Variants in SERPINA11 observed in about 807,000 individuals in gnomAD.
The protein encoded by SERPINA11 is serpin family A member 11.
A neutral mutation model predicts 29.4 loss-of-function variants in SERPINA11; 28 were observed. The ratio of observed to expected loss-of-function variants is 0.95; its 90% CI spans 0.70 to 1.30. SERPINA11 has a LOEUF of 1.30. Ranked by LOEUF, SERPINA11 falls within the 50% of genes most tolerant of loss-of-function variation. SERPINA11 has a pLI of 0.00. For synonymous variants in SERPINA11, 253 were observed against 206.6 expected, an observed-to-expected ratio of 1.22 and a Z score of -1.92; for missense variants, 530 against 507.3, an observed-to-expected ratio of 1.04 and a Z score of -0.43.
At chr14:94,450,988 C>T (rs1898576214) in intron 1 of SERPINA11, among the ~76,000 whole-genome samples, 1 of 152,170 alleles carries the variant, frequency 6.6e-6, no homozygotes, top group South Asian at 2.1e-4. Context: ...GCCTTCTCTT[C>T]TCCCTTCAAA....
At chr14:94,448,913 T>A in intron 1 of SERPINA11, 136 bp from the exon 2 acceptor site, 1 of 726,026 alleles carries the variant, frequency 1.4e-6, no homozygotes, top group Non-Finnish European at 2.0e-6. Flanking sequence ...GACAAGGCTG[T>A]GGATGATTAG....
intron 2 of SERPINA11, among the ~76,000 whole-genome samples, chr14:94,447,083 C>A (rs769568416): frequency 2.5e-4 from 38 of 152,210 alleles, no homozygotes; most frequent in Non-Finnish European, 4.6e-4. Context: ...TAGACAACAA[C>A]CTTCTACAGA....
At chr14:94,452,557 T>G (rs565149574) in intron 1 of SERPINA11, among the ~76,000 whole-genome samples, 172 bp downstream of exon 1, 8 of 149,334 alleles carry the variant, frequency 5.4e-5, no homozygotes, top group Non-Finnish European at 1.2e-4. Flanking sequence ...GCATTTCTTC[T>G]TCAGGGACTT....
intron 1 of SERPINA11, among the ~76,000 whole-genome samples, chr14:94,449,421 C>CTTTCTTTCTTTCTTTCTT (rs1898526467): frequency 1.2e-5 from 1 of 81,064 alleles, no homozygotes; most frequent in Admixed American, 1.3e-4. Context: ...TTCTTTCTTT[C>CTTTCTTTCTTTCTTTCTT]TTTCTTTCTT....
At chr14:94,447,589 G>C (rs943635445) in intron 2 of SERPINA11, among the ~76,000 whole-genome samples, 1 of 152,128 alleles carries the variant, frequency 6.6e-6, no homozygotes, top group Non-Finnish European at 1.5e-5. Context: ...CAATTCTAAG[G>C]TTCCCTGAAT....
chr14:94,448,651 C>G lies in SERPINA11; in HGVS notation c.124G>C (p.Glu42Gln). The G allele has an allele frequency of 6.3e-7, 1 of 1,596,168 alleles. No homozygotes were observed. Among genetic ancestry groups the G allele is most frequent in the Non-Finnish European group, 8.5e-7 (1 of 1,169,828 alleles). Residue 42 changes from glutamate to glutamine, a missense_variant, in exon 2 of 5, where the codon GAG (glutamate) becomes CAG (glutamine). Glu to Gln is a conservative substitution (Grantham distance 29). Coordinates refer to ENST00000334708, the MANE Select transcript of SERPINA11 (RefSeq NM_001080451.2). The part of the protein sequence containing the change: ...GPQPPRHQLS[E>Q]PAPAYHRITP... ...ATTCTGTGGTAGGCGGGGGCTGGCT[C>G]TGAGAGCTGATGCCTGGGGGGTTGA...
chr14:94,442,529 C>A lies in SERPINA11; in HGVS notation c.*77G>T. 9.6e-7 allele frequency: 1 copy of A among 1,038,648 alleles called. No homozygotes were observed. The highest frequency in any genetic ancestry group is 1.4e-6 in the Non-Finnish European group (1 of 706,110). 64.3% of individuals were successfully genotyped at this position (1,038,648 alleles called of 1,614,324 possible). A position where few individuals can be genotyped will look rare whatever the true frequency, so the allele number is the denominator to read the frequency against. On this transcript the variant is annotated 3_prime_UTR_variant, in exon 5 of 5. Transcript: ENST00000334708. ...ACTGATTAACTGAACCACATAGCAG[C>A]CCCAGGATGCAGGCTGGTTCTGGCC...
At chr14:94,449,429 C>G (rs906703426) in intron 1 of SERPINA11, among the ~76,000 whole-genome samples, 1 of 95,894 alleles carries the variant, frequency 1.0e-5, no homozygotes, top group Non-Finnish European at 1.9e-5. Flanking sequence ...TTCTTTCTTT[C>G]TTTCTTTCTT....
intron 1 of SERPINA11, among the ~76,000 whole-genome samples, chr14:94,451,457 T>C (rs780332286): frequency 6.6e-6 from 1 of 152,242 alleles, no homozygotes; most frequent in Non-Finnish European, 1.5e-5. Context: ...ATTTGGAAGA[T>C]GCAAATCAAT....
intron 1 of SERPINA11, among the ~76,000 whole-genome samples, chr14:94,449,595 C>T (rs1898550848): frequency 6.7e-6 from 1 of 149,616 alleles, no homozygotes; most frequent in African/African-American, 2.5e-5. Context: ...TTCCCTCCTT[C>T]TTCCTTCCTT....
At position 94,444,131 on chromosome 14, in the gene SERPINA11, G is replaced by A. The variant is rs546228282; in HGVS notation, c.918-906C>T. The stretch of plus-strand genomic sequence containing the variant: ...CTATTTGACAAGTTTCCCATAGGCA[G>A]CACTTGGGTGGGAAGCAAGACCCGC... On this transcript the variant is annotated intron_variant, in intron 3 of 4. Transcript: ENST00000334708. Among the ~76,000 whole-genome samples, 21 of 152,288 alleles carry A rather than the reference G, an allele frequency of 1.4e-4. No homozygotes were observed. The South Asian group carries it at 4.4e-3, about 32-fold the overall frequency.
rs75949282 is a variant in SERPINA11 at position 94,448,292 on chromosome 14, A to C, written c.483T>G (p.Tyr161Ter). ...AGTTGGCAGAAAAAGCAAAAGCTCC[A>C]TAAAGCTCCTTGATGCTGTCCAAAT... ...QHYLDSIKEL[Y>*]GAFAFSANFT... The change falls in exon 2 of 5, where the codon TAT (tyrosine) becomes TAG (stop). Residue 161 changes from tyrosine to a stop codon, truncating the protein, a stop_gained. Transcript: ENST00000334708. LOFTEE classifies it high-confidence loss of function. 1 of 1,614,250 alleles carries C rather than the reference A, an allele frequency of 6.2e-7. No homozygotes were observed. Among genetic ancestry groups the C allele is most frequent in the African/African-American group, 1.3e-5 (1 of 75,072 alleles).
intron 2 of SERPINA11, 28 bp from the exon 3 acceptor site, chr14:94,446,632 G>A: frequency 6.3e-7 from 1 of 1,593,886 alleles, no homozygotes; most frequent in Non-Finnish European, 8.5e-7. Context: ...ATAAGGCCAT[G>A]AGAACTCTTT....
rs1249137835 is a variant in SERPINA11 at position 94,452,062 on chromosome 14, GC to G, written c.-4+666del. ...AGGTGACATTTTGGATCAGCTCAAT[GC>G]CTGGTGGAGGGATGCTGCTGGAGTT... is the stretch of plus-strand genomic sequence containing the variant. On this transcript the variant is annotated intron_variant, in intron 1 of 4. Transcript: ENST00000334708. Among the ~76,000 whole-genome samples, 8 of 152,302 alleles carry G rather than the reference GC, an allele frequency of 5.3e-5. No homozygotes were observed. In the South Asian group the frequency reaches 1.7e-3, roughly 32 times the overall value.
chr14:94,448,126 C>T lies in SERPINA11; in HGVS notation c.643+6G>A. On this transcript the variant is annotated splice_donor_region_variant and intron_variant, in intron 2 of 4. Coordinates refer to ENST00000334708, the MANE Select transcript of SERPINA11 (RefSeq NM_001080451.2). ...GTGGCAATAATTCTGTCAGAGCAAG[C>T]CTCACCTTTGAAGAAGATGTAATTG... The T allele has an allele frequency of 1.2e-6, 2 of 1,611,310 alleles. No individual in the cohort carries two copies. Among genetic ancestry groups the T allele is most frequent in the Non-Finnish European group, 1.7e-6 (2 of 1,178,128 alleles).
intron 1 of SERPINA11, among the ~76,000 whole-genome samples, chr14:94,450,440 G>T (rs909272718): frequency 6.6e-6 from 1 of 152,136 alleles, no homozygotes; most frequent in Non-Finnish European, 1.5e-5. Context: ...AGAGATCAGG[G>T]TGATGCTTCT....
intron 3 of SERPINA11, among the ~76,000 whole-genome samples, chr14:94,445,777 A>G (rs989659997): frequency 6.6e-6 from 1 of 152,000 alleles, no homozygotes; most frequent in Non-Finnish European, 1.5e-5. Flanking sequence ...GGGTCTTGCT[A>G]TGTTGCCCAA....
chr14:94,448,741 C>T lies in SERPINA11; in HGVS notation c.34G>A (p.Gly12Arg). ...GPAWLWLLGT[G>R]ILASVHCQPL... is the part of the protein sequence containing the mutation. ...TGACAGTGGACAGAGGCCAGGATCCCTGTTCCCAGTAGCCAAAGCCAAGCT... is the reference window on the plus strand; with the variant it reads ...TGACAGTGGACAGAGGCCAGGATCCTTGTTCCCAGTAGCCAAAGCCAAGCT... The change falls in exon 2 of 5, where the codon GGG becomes AGG. Residue 12 changes from glycine to arginine, a missense_variant. Gly to Arg is a moderately radical substitution (Grantham distance 125). Coordinates refer to ENST00000334708, the MANE Select transcript of SERPINA11 (RefSeq NM_001080451.2). The T allele has an allele frequency of 6.6e-7, 1 of 1,514,480 alleles. No homozygotes were observed. The allele number at this position is 1,514,480 out of a possible 1,614,324, so 93.8% of individuals were successfully genotyped here. A position where few individuals can be genotyped will look rare whatever the true frequency, so the allele number is the denominator to read the frequency against.
At chr14:94,450,857 C>T (rs1898573310) in intron 1 of SERPINA11, among the ~76,000 whole-genome samples, 1 of 152,128 alleles carries the variant, frequency 6.6e-6, no homozygotes, top group African/African-American at 2.4e-5. Flanking sequence ...GTTCCATGCT[C>T]TCCTTTCCCT....
Sources: gnomAD v4.1 joint callset for allele counts (sites outside exome capture counted in the v4.1 genomes callset) on GRCh38, gnomAD v4.1.1 for gene constraint, MANE v1.5 for transcripts, NCBI Gene and HGNC (gene_info 2026-07-23, HGNC 2026-07-21) for gene names.